Variants in ABCG5 observed in about 807,000 individuals in gnomAD.
ABCG5 encodes ATP-binding cassette sub-family G member 5.
A neutral mutation model predicts 64.5 loss-of-function variants in ABCG5; 64 were observed. That is an observed-to-expected ratio of 0.99 (90% CI 0.81 to 1.22). The LOEUF (loss-of-function observed/expected upper bound fraction) is 1.22, where lower values mean the gene tolerates loss of function less well. ABCG5 is among the 50% of genes most tolerant of loss of function. The probability of loss-of-function intolerance (pLI) is 0.00; values close to 1 mark genes in which losing one functional copy is unlikely to be tolerated. For missense variants in ABCG5, 908 were observed against 829.5 expected (o/e 1.09, Z -1.16); for synonymous variants, 385 against 326.3 (o/e 1.18, Z -1.94).
At chr2:43,821,207 C>T (rs10439467) in intron 10 of ABCG5, among the ~76,000 whole-genome samples, 11,336 of 152,196 alleles carry the variant, frequency 0.074, 576 homozygotes, top group Admixed American at 0.19. Context: ...CTATCAATGC[C>T]GTTCCTCATT....
chr2:43,828,380 A>G (rs904752745), intron 4 of ABCG5: 2 of 491,422 alleles, frequency 4.1e-6, no homozygotes, highest in Non-Finnish European at 7.4e-6. Flanking sequence ...TCATGCCTGT[A>G]ATCCCAATAC....
chr2:43,835,657 G>T (rs1427936887), intron 2 of ABCG5, among the ~76,000 whole-genome samples: 1 of 152,158 alleles, frequency 6.6e-6, no homozygotes, highest in Admixed American at 6.5e-5. Context: ...GGTGGGGCAT[G>T]CAAGGAGGTG....
rs1267691778 is a variant in ABCG5, at chr2:43,838,608, G to A, written c.72C>T (p.Ser24=). The A allele has an allele frequency of 6.2e-7, 1 of 1,612,410 alleles. No individual in the cohort carries two copies. The highest frequency in any genetic ancestry group is 8.5e-7 in the Non-Finnish European group (1 of 1,179,584). ...GGGCGGTGGCAGGAGCCCCCTCCAG[G>A]GAGCTCTGGGAGCCTCTGTTTACTT... ...GLQVNRGSQS[S]LEGAPATAPE... is the part of the protein sequence containing the mutation. The change falls in exon 1 of 13, where the codon TCC becomes TCT. Residue 24 remains serine, a synonymous_variant. Transcript: ENST00000405322. This position sits in a 1 kb window ranked among gnomAD's most constrained non-coding sequence, Gnocchi z 4.2.
intron 5 of ABCG5, 121 bp from the exon 6 acceptor site, chr2:43,826,642 G>T (rs953927338): frequency 2.3e-5 from 34 of 1,461,036 alleles, no homozygotes; most frequent in Non-Finnish European, 4.7e-6. Flanking sequence ...TGTGCGGTGG[G>T]AAGTAAACAT....
chr2:43,827,948 G>C (rs1348421960), intron 5 of ABCG5, 35 bp downstream of exon 5: 6 of 1,612,752 alleles, frequency 3.7e-6, no homozygotes, highest in Non-Finnish European at 4.2e-6. Context: ...AAGATGCCCA[G>C]ACAGCAGCTA....
chr2:43,838,544 T>G lies in ABCG5; in HGVS notation c.136A>C (p.Ser46Arg). 11 of 1,604,342 alleles carry G rather than the reference T, an allele frequency of 6.9e-6. No individual in the cohort carries two copies. Among genetic ancestry groups the G allele is most frequent in the Non-Finnish European group, 9.4e-6 (11 of 1,176,138 alleles). The stretch of plus-strand genomic sequence containing the variant: ...GCAAGGGCTCTGCCTTACCTGACGC[T>G]GTAGGAGGCATGGAGGATGCCCAGG... ...HSLGILHASY[S>R]VSHRVRPWWD... Residue 46 changes from serine (S) to arginine (R), a missense_variant, in exon 1 of 13, where the codon AGC (serine) becomes CGC (arginine). Physicochemically the swap from Ser to Arg is moderately radical, Grantham distance 110. Transcript: ENST00000405322. This position sits in a 1 kb window ranked among gnomAD's most constrained non-coding sequence, Gnocchi z 4.2.
intron 10 of ABCG5, among the ~76,000 whole-genome samples, chr2:43,821,608 A>G (rs996275794): frequency 5.9e-5 from 9 of 152,080 alleles, no homozygotes; most frequent in South Asian, 4.2e-4. Context: ...CCCTTAAGCA[A>G]TGGAAGGTGT....
At chr2:43,823,839 T>C in intron 9 of ABCG5, 74 bp downstream of exon 9, 13 of 1,539,552 alleles carry the variant, frequency 8.4e-6, no homozygotes, top group Non-Finnish European at 1.2e-5. Context: ...AATGGTAGAC[T>C]TTTGTAAGGT....
Position 43,831,960 on chromosome 2 carries a change from G to A in ABCG5, c.389C>T (p.Ser130Phe), listed in dbSNP as rs1667976075. ...LRREQFQDCF[S>F]YVLQSDTLLS... The stretch of plus-strand genomic sequence containing the variant: ...GGACGCGCCCACCTGCAGGACGTAG[G>A]AGAAGCAGTCCTGGAACTGCTCCCG... Residue 130 changes from serine to phenylalanine, a missense_variant, in exon 3 of 13, where the codon TCC (serine) becomes TTC (phenylalanine). Ser to Phe is a radical substitution (Grantham distance 155, BLOSUM62 -2). Transcript: ENST00000405322. 4 of 1,550,460 alleles carry A rather than the reference G, an allele frequency of 2.6e-6. No homozygotes were observed. The highest frequency in any genetic ancestry group is 1.2e-5 in the South Asian group (1 of 84,082).
chr2:43,827,277 A>G (rs1473865753), intron 5 of ABCG5, among the ~76,000 whole-genome samples: 1 of 151,352 alleles, frequency 6.6e-6, no homozygotes, highest in East Asian at 1.9e-4. Flanking sequence ...GTGAGCCAAG[A>G]TCGCACCACT....
chr2:43,809,358 CAATT>C (rs1256876995), downstream of ABCG5, among the ~76,000 whole-genome samples: 1 of 152,054 alleles, frequency 6.6e-6, no homozygotes, highest in East Asian at 1.9e-4. Flanking sequence ...GAACAGCAAA[CAATT>C]AAAATAAGAT....
intron 11 of ABCG5, among the ~76,000 whole-genome samples, chr2:43,817,684 C>T (rs1666927845): frequency 6.6e-6 from 1 of 151,808 alleles, no homozygotes; most frequent in African/African-American, 2.4e-5. Context: ...CCAAGGCAGG[C>T]AGATCACCTG....
rs764520626 is a variant in ABCG5, at chr2:43,822,887, T to G, written c.1373A>C (p.Tyr458Ser). ...GGCCAGCATCATCTGCCACTTCTGG[T>G]AGAGGCCGTCCTGACTCTCCTGGTC... ...VSDQESQDGL[Y>S]QKWQMMLAYA... The change falls in exon 10 of 13, where the codon TAC (tyrosine) becomes TCC (serine). Residue 458 changes from tyrosine to serine, a missense_variant. Coordinates refer to ENST00000405322, the MANE Select transcript of ABCG5 (RefSeq NM_022436.3). 1 of 1,613,994 alleles carries G rather than the reference T, an allele frequency of 6.2e-7. No homozygotes were observed. Among genetic ancestry groups the G allele is most frequent in the South Asian group, 1.1e-5 (1 of 91,058 alleles).
intron 4 of ABCG5, chr2:43,828,446 G>C: frequency 5.2e-6 from 2 of 385,492 alleles, no homozygotes; most frequent in Non-Finnish European, 9.6e-6. Flanking sequence ...GACCAGCTTG[G>C]GCAACAAAGA....
chr2:43,821,782 A>AATCT (rs1051074647), intron 10 of ABCG5, among the ~76,000 whole-genome samples: 8 of 151,844 alleles, frequency 5.3e-5, no homozygotes, highest in African/African-American at 1.7e-4. Context: ...TCCCAATTTC[A>AATCT]ATCTCTCTCC....
upstream of ABCG5, chr2:43,839,006 G>T (rs1446736244): frequency 3.3e-6 from 5 of 1,537,668 alleles, no homozygotes; most frequent in Non-Finnish European, 4.4e-6. Context: ...GCAGGCAGCA[G>T]CTGGGTCTAA....
intron 2 of ABCG5, among the ~76,000 whole-genome samples, chr2:43,836,310 T>C (rs549980198): frequency 6.6e-6 from 1 of 152,244 alleles, no homozygotes; most frequent in East Asian, 1.9e-4. Flanking sequence ...TGAATAGCCA[T>C]GGATTCAATT....
chr2:43,824,884 C>T lies in ABCG5; in HGVS notation c.904+5G>A. The T allele has an allele frequency of 1.2e-6, 2 of 1,613,816 alleles. No individual in the cohort carries two copies. Among genetic ancestry groups the T allele is most frequent in the Non-Finnish European group, 1.7e-6 (2 of 1,179,828 alleles). The stretch of plus-strand genomic sequence containing the variant: ...CATGATGGGGAATGTGAAAGAAAAA[C>T]TTACTATAGAAGTCAAAAGGGTTTG... On this transcript the variant is annotated splice_donor_5th_base_variant and intron_variant, in intron 7 of 12. Coordinates refer to ENST00000405322, the MANE Select transcript of ABCG5 (RefSeq NM_022436.3).
At chr2:43,819,066 ATAAT>A (rs1377088686) in intron 11 of ABCG5, among the ~76,000 whole-genome samples, 2 of 152,186 alleles carry the variant, frequency 1.3e-5, no homozygotes, top group South Asian at 2.1e-4. Flanking sequence ...TGAGAGTTAA[ATAAT>A]TAAACACACA....
Sources: gnomAD v4.1 joint callset for allele counts (sites outside exome capture counted in the v4.1 genomes callset) on GRCh38, gnomAD v4.1.1 for gene constraint, Gnocchi (gnomAD v3.1) non-coding constraint, MANE v1.5 for transcripts, NCBI Gene and HGNC (gene_info 2026-07-23, HGNC 2026-07-21) for gene names.